GPD2: variants seen among roughly 807,000 people sequenced by gnomAD.
The protein encoded by GPD2 is glycerol-3-phosphate dehydrogenase 2.
In GPD2, 54 loss-of-function variants were observed where a neutral mutation model predicts 82.4. The observed-to-expected ratio is 0.66, with a 90% CI of 0.53 to 0.82. GPD2 has a LOEUF of 0.82. Ranked by LOEUF, GPD2 falls within the 40% of genes least tolerant of loss-of-function variation. The pLI, the probability that GPD2 is intolerant of heterozygous loss-of-function variation, is 0.00. For missense variants in GPD2, 748 were observed against 896.2 expected, an observed-to-expected ratio of 0.83 and a Z score of 2.11; for synonymous variants, 288 against 306.1, an observed-to-expected ratio of 0.94 and a Z score of 0.62.
At chr2:156,404,848 C>T in the GPD2 span, among the ~76,000 whole-genome samples, 48 of 145,608 alleles carry the variant, frequency 3.3e-4, no homozygotes, top group Admixed American at 6.9e-5. Context: ...AGTGAGACTC[C>T]GTCTCCAAAA....
chr2:156,540,201 G>A (rs1378318227), intron 6 of GPD2, among the ~76,000 whole-genome samples: 1 of 152,196 alleles, frequency 6.6e-6, no homozygotes, highest in East Asian at 1.9e-4. Context: ...AGACTTGATT[G>A]CTCATCACGT....
Position 156,513,509 on chromosome 2 carries a change from T to G in GPD2, c.661+13T>G, listed in dbSNP as rs776811209. On this transcript the variant is annotated intron_variant, in intron 6 of 16. Transcript: ENST00000438166. ...GTCTACTATGACGGTATGTGATGTT[T>G]TTTTTTTTTTTCCTCACAAGATACT... The G allele has an allele frequency of 2.9e-5, 46 of 1,582,914 alleles. No homozygotes were observed. Among genetic ancestry groups the G allele is most frequent in the Non-Finnish European group, 4.0e-5 (46 of 1,154,980 alleles).
rs187541557 is a variant in GPD2 at position 156,532,302 on chromosome 2, C to T, written c.662-17306C>T. On this transcript the variant is annotated intron_variant, in intron 6 of 16. Coordinates refer to ENST00000438166, the MANE Select transcript of GPD2 (RefSeq NM_000408.5). ...GATTACAGATGTGAGCCACTGCATC[C>T]AGCCCCCAGATTTTAATTTAGTTTT... 5.8e-4 allele frequency among the ~76,000 whole-genome samples: 88 copies of T among 152,294 alleles called. 1 individual carries two copies. Among genetic ancestry groups the T allele is most frequent in the African/African-American group, 1.9e-3 (81 of 41,562 alleles).
intron 8 of GPD2, among the ~76,000 whole-genome samples, chr2:156,556,624 G>A (rs1343602699): frequency 1.3e-5 from 2 of 152,148 alleles, no homozygotes; most frequent in African/African-American, 4.8e-5. Context: ...AGTAGAGGCA[G>A]CATTGTACCT....
Position 156,550,657 on chromosome 2 carries a change from G to A in GPD2, c.882G>A (p.Thr294=), listed in dbSNP as rs1188973082. ...KCVINATGPF[T]DSVRKMDDKD... ...TTATCAATGCCACGGGACCTTTCAC[G>A]GACTCTGTGCGCAAAATGGATGATA... Residue 294 remains threonine, a synonymous_variant, in exon 8 of 17, where the codon ACG becomes ACA. Coordinates refer to ENST00000438166, the MANE Select transcript of GPD2 (RefSeq NM_000408.5). The A allele has an allele frequency of 3.7e-6, 6 of 1,613,852 alleles. No homozygotes were observed. Among genetic ancestry groups the A allele is most frequent in the South Asian group, 2.2e-5 (2 of 91,080 alleles).
chr2:156,495,918 G>C lies in GPD2; in HGVS notation c.103-126G>C, dbSNP rs180727279. On this transcript the variant is annotated intron_variant, in intron 2 of 16. Coordinates refer to ENST00000438166, the MANE Select transcript of GPD2 (RefSeq NM_000408.5). ...GGCAGTTGGTCCTATAACTCTATGT[G>C]GACTGTGGACTCTCTTTAGCTCTTA... 6 of 711,974 alleles carry C rather than the reference G, an allele frequency of 8.4e-6. No homozygotes were observed. In the Admixed American group the frequency reaches 8.6e-5, roughly 10 times the overall value. The allele number at this position is 711,974 out of a possible 1,614,324, so 44.1% of individuals were successfully genotyped here.
chr2:156,543,330 A>T (rs1173673585), intron 6 of GPD2, among the ~76,000 whole-genome samples: 1 of 152,214 alleles, frequency 6.6e-6, no homozygotes, highest in Admixed American at 6.5e-5. Flanking sequence ...TCATATTTGA[A>T]TATCTGCTAG....
intron 1 of GPD2, among the ~76,000 whole-genome samples, chr2:156,470,107 C>A (rs968854206): frequency 6.6e-6 from 1 of 152,152 alleles, no homozygotes; most frequent in Admixed American, 6.5e-5. Context: ...AGATGGAGTT[C>A]CTCTGGTTCA....
upstream of GPD2, among the ~76,000 whole-genome samples, chr2:156,432,831 A>G (rs529651175): frequency 3.3e-5 from 5 of 152,268 alleles, no homozygotes; most frequent in East Asian, 9.6e-4. Context: ...AAGAAGATTC[A>G]GAGTAAATTG....
intron 6 of GPD2, among the ~76,000 whole-genome samples, chr2:156,534,044 A>G (rs1685967198): frequency 6.6e-6 from 1 of 152,214 alleles, no homozygotes; most frequent in Non-Finnish European, 1.5e-5. Context: ...AGGAAGTATC[A>G]GGTCACACAG....
intron 6 of GPD2, among the ~76,000 whole-genome samples, chr2:156,533,696 G>T (rs1056185702): frequency 1.3e-5 from 2 of 152,204 alleles, no homozygotes; most frequent in Non-Finnish European, 2.9e-5. Context: ...GTAGGTCTAG[G>T]CATACATTAT....
intron 2 of GPD2, among the ~76,000 whole-genome samples, chr2:156,484,417 G>A (rs1421581044): frequency 2.6e-5 from 4 of 152,294 alleles, no homozygotes; most frequent in South Asian, 2.1e-4. Context: ...GATTACAGGC[G>A]TGAGCCCAGT....
intron 13 of GPD2, among the ~76,000 whole-genome samples, chr2:156,574,458 A>G (rs558564416): frequency 7.6e-4 from 115 of 152,310 alleles, no homozygotes; most frequent in African/African-American, 2.7e-3. Context: ...TAGTACTTAG[A>G]ACATATTTTG....
At chr2:156,481,328 T>A (rs1683722758) in intron 2 of GPD2, among the ~76,000 whole-genome samples, 1 of 152,166 alleles carries the variant, frequency 6.6e-6, no homozygotes, top group African/African-American at 2.4e-5. Flanking sequence ...AAATCCTCTC[T>A]TGTAGCTTTT....
intron 1 of GPD2, among the ~76,000 whole-genome samples, chr2:156,444,579 G>C (rs1346083797): frequency 6.6e-6 from 1 of 152,060 alleles, no homozygotes; most frequent in Non-Finnish European, 1.5e-5. Flanking sequence ...TAGGCGTGGT[G>C]GTGGGTGCCT....
chr2:156,558,009 A>G (rs762942377), intron 9 of GPD2, among the ~76,000 whole-genome samples: 41 of 152,338 alleles, frequency 2.7e-4, no homozygotes, highest in Non-Finnish European at 3.7e-4. Context: ...ATAGTCTGTT[A>G]CTACATGGAA....
intron 6 of GPD2, among the ~76,000 whole-genome samples, chr2:156,541,820 G>GTTTTTTTT (rs1397587048): frequency 8.9e-5 from 3 of 33,702 alleles, no homozygotes; most frequent in South Asian, 9.0e-4. Context: ...ATAAAATGCT[G>GTTTTTTTT]TTTGTTTTTT....
intron 9 of GPD2, among the ~76,000 whole-genome samples, chr2:156,566,866 T>C (rs13427301): frequency 0.28 from 42,373 of 152,000 alleles, 6,360 homozygotes; most frequent in East Asian, 0.58. Flanking sequence ...CCAGTATTTG[T>C]TATTTTCTGT....
chr2:156,422,144 T>A, the GPD2 span, among the ~76,000 whole-genome samples: 1 of 152,190 alleles, frequency 6.6e-6, no homozygotes, highest in Admixed American at 6.5e-5. Flanking sequence ...TCATCAACTT[T>A]GACTTAATTT....
Sources: gnomAD v4.1 joint callset for allele counts (sites outside exome capture counted in the v4.1 genomes callset) on GRCh38, gnomAD v4.1.1 for gene constraint, MANE v1.5 for transcripts, NCBI Gene and HGNC (gene_info 2026-07-23, HGNC 2026-07-21) for gene names.